Variants in GSTCD observed in about 807,000 individuals in gnomAD.
The protein encoded by GSTCD is glutathione S-transferase C-terminal domain-containing protein.
A neutral mutation model predicts 68.3 loss-of-function variants in GSTCD; 44 were observed. The ratio of observed to expected loss-of-function variants is 0.64; its 90% CI spans 0.51 to 0.83. The LOEUF is 0.83. Ranked by LOEUF, GSTCD falls within the 40% of genes least tolerant of loss-of-function variation. The probability of loss-of-function intolerance (pLI) is 0.00; values close to 1 mark genes in which losing one functional copy is unlikely to be tolerated. For synonymous variants in GSTCD, 273 were observed against 255.2 expected (o/e 1.07, Z -0.67); for missense variants, 739 against 735.9 (o/e 1.00, Z -0.05).
rs139635460 is a variant in GSTCD at position 105,732,722 on chromosome 4, C to T, written c.1240+3223C>T. On this transcript the variant is annotated intron_variant, in intron 5 of 11. Transcript: ENST00000515279. Reference sequence around the variant, plus strand: ...CTGCTCTGATCTCAGTTATTTCTTGCCTTCTGCTAGCTTTTGAATGTGTTT... The same window carrying T: ...CTGCTCTGATCTCAGTTATTTCTTGTCTTCTGCTAGCTTTTGAATGTGTTT... 9.0e-3 allele frequency among the ~76,000 whole-genome samples: 1,362 copies of T among 152,110 alleles called. 19 individuals are homozygous for T. The highest frequency in any genetic ancestry group is 0.029 in the African/African-American group (1,212 of 41,486).
intron 5 of GSTCD, among the ~76,000 whole-genome samples, chr4:105,765,331 A>T (rs1407740544): frequency 6.6e-6 from 1 of 152,102 alleles, no homozygotes; most frequent in Non-Finnish European, 1.5e-5. Flanking sequence ...ATTCCTAATA[A>T]CTCCCCTAGA....
chr4:105,725,801 T>C (rs1733010684), intron 3 of GSTCD, among the ~76,000 whole-genome samples: 1 of 152,116 alleles, frequency 6.6e-6, no homozygotes. Flanking sequence ...ACATCATTAA[T>C]CATAGGGAAA....
intron 5 of GSTCD, among the ~76,000 whole-genome samples, chr4:105,781,793 C>CT (rs529901727): frequency 6.7e-6 from 1 of 149,382 alleles, no homozygotes. Flanking sequence ...AACTACTTAT[C>CT]TTTTTTTTCT....
chr4:105,769,034 A>G (rs1027260268), intron 5 of GSTCD, among the ~76,000 whole-genome samples: 1 of 152,054 alleles, frequency 6.6e-6, no homozygotes, highest in African/African-American at 2.4e-5. Context: ...ACAAAGAATC[A>G]AAGTATGAAA....
intron 10 of GSTCD, 101 bp from the exon 11 acceptor site, chr4:105,841,964 G>A (rs1163122316): frequency 1.4e-5 from 11 of 799,974 alleles, no homozygotes; most frequent in Non-Finnish European, 2.0e-5. Context: ...GTTAAACAAT[G>A]TTGAACTCCA....
At chr4:105,710,798 T>C (rs369607360) in intron 1 of GSTCD, 2 of 152,248 alleles carry the variant, frequency 1.3e-5, no homozygotes, top group South Asian at 4.1e-4. Context: ...GAAGGCATTA[T>C]GACTCCATGG....
rs543182236 is a variant in GSTCD, at chr4:105,723,078, AGAAAG to A, written c.895-3495_895-3491del. 1.2e-3 allele frequency among the ~76,000 whole-genome samples: 182 copies of A among 152,088 alleles called. 1 individual carries two copies. The highest frequency in any genetic ancestry group is 2.6e-3 in the Admixed American group (40 of 15,280). On this transcript the variant is annotated intron_variant, in intron 3 of 11. Transcript: ENST00000515279. ...TATTTAATTGCAACTTCATTTCAAA[AGAAAG>A]GAAAGATGCCACGTACATCTAACAA...
intron 5 of GSTCD, among the ~76,000 whole-genome samples, chr4:105,730,705 T>G (rs1004737513): frequency 6.6e-6 from 1 of 152,222 alleles, no homozygotes; most frequent in Admixed American, 6.5e-5. Flanking sequence ...CTGTTCACTC[T>G]GATGGTAGTT....
At chr4:105,732,102 T>A (rs1452622483) in intron 5 of GSTCD, among the ~76,000 whole-genome samples, 2 of 152,228 alleles carry the variant, frequency 1.3e-5, no homozygotes, top group African/African-American at 4.8e-5. Context: ...TGCCAGTATT[T>A]TATTGAGGAT....
chr4:105,813,258 C>T (rs1227120991), intron 5 of GSTCD, among the ~76,000 whole-genome samples: 2 of 152,230 alleles, frequency 1.3e-5, no homozygotes, highest in South Asian at 2.1e-4. Context: ...CTAATACCAG[C>T]AAATAAGAAT....
intron 5 of GSTCD, among the ~76,000 whole-genome samples, chr4:105,781,802 C>CTT (rs879900238): frequency 7.3e-6 from 1 of 136,962 alleles, no homozygotes; most frequent in Non-Finnish European, 1.6e-5. Context: ...TCTTTTTTTT[C>CTT]TTTTTTTTTT....
rs1274911542 is a variant in GSTCD at position 105,787,720 on chromosome 4, A to G, written c.1241-35234A>G. 2.6e-5 allele frequency among the ~76,000 whole-genome samples: 4 copies of G among 152,094 alleles called. No homozygotes were observed. In the South Asian group the frequency reaches 6.2e-4, roughly 24 times the overall value. On this transcript the variant is annotated intron_variant, in intron 5 of 11. Transcript: ENST00000515279. ...CTTAAAGGATACTGATGGAAAAAAA[A>G]GACATGAGCTAATGAGAAGCATTCA...
At chr4:105,795,459 C>CA (rs1324337681) in intron 5 of GSTCD, among the ~76,000 whole-genome samples, 1 of 151,924 alleles carries the variant, frequency 6.6e-6, no homozygotes, top group African/African-American at 2.4e-5. Context: ...GCATTGTGAG[C>CA]AGAATCTCTA....
intron 5 of GSTCD, among the ~76,000 whole-genome samples, chr4:105,765,678 T>G (rs1482116319): frequency 6.6e-6 from 1 of 152,202 alleles, no homozygotes; most frequent in Non-Finnish European, 1.5e-5. Flanking sequence ...TCATCTTGAA[T>G]TGTAATCCAA....
At chr4:105,797,969 A>T (rs753867689) in intron 5 of GSTCD, among the ~76,000 whole-genome samples, 2 of 151,984 alleles carry the variant, frequency 1.3e-5, no homozygotes, top group Admixed American at 6.6e-5. Context: ...GGGTTTCACC[A>T]TGTTGGCCAG....
At chr4:105,823,162 T>C (rs1387527328) in intron 6 of GSTCD, 69 bp from the exon 7 acceptor site, 13 of 1,587,590 alleles carry the variant, frequency 8.2e-6, no homozygotes, top group Non-Finnish European at 1.1e-5. Flanking sequence ...TTTGGCAAGA[T>C]TGTGGTTTCA....
At chr4:105,715,277 A>G (rs1405175134) in intron 1 of GSTCD, among the ~76,000 whole-genome samples, 3 of 152,126 alleles carry the variant, frequency 2.0e-5, no homozygotes, top group East Asian at 3.8e-4. Context: ...AATAATGAAA[A>G]TATTTCCAGA....
At chr4:105,764,567 C>T (rs1369038298) in intron 5 of GSTCD, among the ~76,000 whole-genome samples, 1 of 152,190 alleles carries the variant, frequency 6.6e-6, no homozygotes, top group Non-Finnish European at 1.5e-5. Flanking sequence ...TTGCAGATGG[C>T]CACCATATTG....
chr4:105,788,280 T>G (rs945018302), intron 5 of GSTCD, among the ~76,000 whole-genome samples: 2 of 151,832 alleles, frequency 1.3e-5, no homozygotes, highest in Non-Finnish European at 2.9e-5. Flanking sequence ...TAGAGTTTTA[T>G]AATTGGAAGT....
Sources: gnomAD v4.1 joint callset for allele counts (sites outside exome capture counted in the v4.1 genomes callset) on GRCh38, gnomAD v4.1.1 for gene constraint, MANE v1.5 for transcripts, NCBI Gene and HGNC (gene_info 2026-07-23, HGNC 2026-07-21) for gene names.